The following WDR4 variants were observed in gnomAD, a reference collection of about 807,000 sequenced individuals.
WDR4 encodes tRNA (guanine-N(7)-)-methyltransferase non-catalytic subunit WDR4.
WDR4 carries 47 observed loss-of-function variants against 48.6 expected under a neutral mutation model. That is an observed-to-expected ratio of 0.97 (90% CI 0.77 to 1.23). The LOEUF is 1.23. WDR4 is among the 50% of genes most tolerant of loss of function. The pLI is 0.00. For synonymous variants in WDR4, 268 were observed against 230.0 expected (o/e 1.17, Z -1.49); for missense variants, 606 against 551.6 (o/e 1.10, Z -0.99).
rs1377205163 is a variant in WDR4 at position 42,858,134 on chromosome 21, C to T, written c.627+1528G>A. On this transcript the variant is annotated intron_variant, in intron 6 of 10. Transcript: ENST00000398208. ...GAGCATTAAAGTGGTTCAACTAACA[C>T]AAGCTTTAGAAAAAGTGAGCAAGAG... Among the ~76,000 whole-genome samples the T allele has an allele frequency of 3.3e-5, 5 of 152,146 alleles. 1 individual carries two copies. The highest frequency in any genetic ancestry group is 1.3e-4 in the Admixed American group (2 of 15,276).
At chr21:42,879,631 G>T, upstream of WDR4, 2 of 1,103,216 alleles carry the variant, frequency 1.8e-6, no homozygotes, top group Non-Finnish European at 2.5e-6. Flanking sequence ...GGACGAGCCT[G>T]CCTTGAGCAT....
Position 42,853,108 on chromosome 21 carries a change from C to T in WDR4, c.975+461G>A, listed in dbSNP as rs1042903608. On this transcript the variant is annotated intron_variant, in intron 9 of 10. Coordinates refer to ENST00000398208, the MANE Select transcript of WDR4 (RefSeq NM_018669.6). The stretch of plus-strand genomic sequence containing the variant: ...AGGAAGCAGCTCGGCCCGCCGCCCT[C>T]GCCCAGAGACCCCACTGTCTCCCCA... 5.9e-5 allele frequency among the ~76,000 whole-genome samples: 9 copies of T among 152,184 alleles called. No homozygotes were observed. The South Asian group carries it at 1.2e-3, about 21-fold the overall frequency.
intron 2 of WDR4, 97 bp downstream of exon 2, chr21:42,876,605 A>C (rs1016343920): frequency 8.4e-7 from 1 of 1,186,448 alleles, no homozygotes; most frequent in African/African-American, 1.5e-5. Context: ...ACAGAAGCTA[A>C]GAATTCAGCA....
chr21:42,845,799 G>C (rs1048860013), downstream of WDR4, among the ~76,000 whole-genome samples: 2 of 152,192 alleles, frequency 1.3e-5, no homozygotes, highest in Non-Finnish European at 2.9e-5. Context: ...AATTCCACGC[G>C]CAAGTACACA....
chr21:42,850,110 G>T lies in WDR4; in HGVS notation c.1178C>A (p.Pro393Gln), dbSNP rs765182735. Residue 393 changes from proline (P) to glutamine (Q), a missense_variant, in exon 11 of 11, where the codon CCG (proline) becomes CAG (glutamine). Pro to Gln is a moderately conservative substitution (Grantham distance 76). Transcript: ENST00000398208. ...CTTGGCATGCCCGTCGGGCCCAGGCGGGGGACTCCGGCGCCGCTGCTTCTT... is the reference window on the plus strand; with the variant it reads ...CTTGGCATGCCCGTCGGGCCCAGGCTGGGGACTCCGGCGCCGCTGCTTCTT... ...LEKKQRRRSP[P>Q]PGPDGHAKKM... 1.2e-6 allele frequency: 2 copies of T among 1,614,008 alleles called. No homozygotes were observed. Among genetic ancestry groups the T allele is most frequent in the African/African-American group, 1.3e-5 (1 of 75,064 alleles).
chr21:42,847,994 T>C (rs981069075), downstream of WDR4, among the ~76,000 whole-genome samples: 10 of 152,260 alleles, frequency 6.6e-5, no homozygotes, highest in African/African-American at 2.2e-4. Flanking sequence ...GCATGGCCCC[T>C]GCCTTCTGAA....
At chr21:42,876,254 C>T (rs1356063201) in intron 2 of WDR4, among the ~76,000 whole-genome samples, 6 of 129,670 alleles carry the variant, frequency 4.6e-5, no homozygotes, top group Non-Finnish European at 9.5e-5. Context: ...TGCTCTATTC[C>T]CCAGGCTGGA....
chr21:42,876,871 T>C (rs2058504810), intron 1 of WDR4, 104 bp from the exon 2 acceptor site: 3 of 1,050,088 alleles, frequency 2.9e-6, no homozygotes, highest in South Asian at 3.2e-5. Flanking sequence ...CAGGCTCCAG[T>C]ACAATGGCAC....
the WDR4 span, among the ~76,000 whole-genome samples, chr21:42,891,487 G>A: frequency 5.3e-5 from 8 of 152,070 alleles, no homozygotes; most frequent in Admixed American, 2.6e-4. Flanking sequence ...GCATGTGCCC[G>A]CTGGTGGTGG....
At chr21:42,885,440 A>G in the WDR4 span, among the ~76,000 whole-genome samples, 5 of 151,948 alleles carry the variant, frequency 3.3e-5, no homozygotes, top group Admixed American at 3.3e-4. Context: ...GTGAAACCCC[A>G]TCTCTACTAA....
chr21:42,847,111 C>T (rs1166684290), downstream of WDR4, among the ~76,000 whole-genome samples: 1 of 151,944 alleles, frequency 6.6e-6, no homozygotes, highest in Non-Finnish European at 1.5e-5. Context: ...CAAGGAATGT[C>T]CTAAAAGTAA....
At position 42,862,270 on chromosome 21, in the gene WDR4, A is replaced by T; in HGVS notation, c.566+12T>A. On this transcript the variant is annotated intron_variant, in intron 5 of 10. Coordinates refer to ENST00000398208, the MANE Select transcript of WDR4 (RefSeq NM_018669.6). This position sits in a 1 kb window ranked among gnomAD's most constrained non-coding sequence, Gnocchi z 4.3. ...CCTTCTTTCTGCTGGAGGGGCAGGA[A>T]GGGGCACTCACTCTGTGTGCCCCAA... The T allele has an allele frequency of 6.3e-7, 1 of 1,590,890 alleles. No homozygotes were observed. The highest frequency in any genetic ancestry group is 8.6e-7 in the Non-Finnish European group (1 of 1,166,824).
Position 42,849,894 on chromosome 21 carries a change from A to G in WDR4, c.*155T>C, listed in dbSNP as rs2062203782. 1.1e-6 allele frequency: 1 copy of G among 895,538 alleles called. No homozygotes were observed. The highest frequency in any genetic ancestry group is 1.7e-5 in the African/African-American group (1 of 58,444). The allele number at this position is 895,538 out of a possible 1,614,324, so 55.5% of individuals were successfully genotyped here. ...GCAAGAGCCTGTGCTGGTGACACAG[A>G]ATGTTCTTTCTAGAGCCCAGGGGAC... On this transcript the variant is annotated 3_prime_UTR_variant, in exon 11 of 11. Coordinates refer to ENST00000398208, the MANE Select transcript of WDR4 (RefSeq NM_018669.6).
chr21:42,872,173 G>T (rs145922122), intron 3 of WDR4, among the ~76,000 whole-genome samples: 15 of 152,126 alleles, frequency 9.9e-5, no homozygotes, highest in African/African-American at 3.6e-4. Flanking sequence ...TAGTAGAGAC[G>T]GGGTTTTGCC....
At chr21:42,847,048 AC>A (rs1476347762), downstream of WDR4, among the ~76,000 whole-genome samples, 2 of 147,032 alleles carry the variant, frequency 1.4e-5, no homozygotes, top group African/African-American at 2.5e-5. Context: ...AAAAAAAAAA[AC>A]CAGATACAAT....
Position 42,870,849 on chromosome 21 carries a change from G to A in WDR4, c.296+2702C>T, listed in dbSNP as rs1469803851. Among the ~76,000 whole-genome samples the A allele has an allele frequency of 2.6e-5, 4 of 152,044 alleles. No individual in the cohort carries two copies. In the East Asian group the frequency reaches 5.8e-4, roughly 22 times the overall value. On this transcript the variant is annotated intron_variant, in intron 3 of 10. Coordinates refer to ENST00000398208, the MANE Select transcript of WDR4 (RefSeq NM_018669.6). ...AGATCATTTCATTTTTAACTTTTGG[G>A]AGTCCAAGCCCCCTTTGAGAATCTC... is the stretch of plus-strand genomic sequence containing the variant.
chr21:42,869,010 G>A (rs185313839), intron 3 of WDR4, among the ~76,000 whole-genome samples: 5 of 151,500 alleles, frequency 3.3e-5, no homozygotes, highest in South Asian at 4.3e-4. Flanking sequence ...CTGCCCTGGC[G>A]GGGGGGAACA....
chr21:42,889,425 C>A, the WDR4 span, among the ~76,000 whole-genome samples: 1 of 152,184 alleles, frequency 6.6e-6, no homozygotes, highest in South Asian at 2.1e-4. Context: ...TCCTTGCTAG[C>A]AGATTGCTTT....
At chr21:42,882,582 C>T (rs1213343382), upstream of WDR4, among the ~76,000 whole-genome samples, 1 of 151,362 alleles carries the variant, frequency 6.6e-6, no homozygotes, top group African/African-American at 2.4e-5. Context: ...AAAAAAAAAA[C>T]TTATGGATTG....
Sources: gnomAD v4.1 joint callset for allele counts (sites outside exome capture counted in the v4.1 genomes callset) on GRCh38, gnomAD v4.1.1 for gene constraint, Gnocchi (gnomAD v3.1) non-coding constraint, MANE v1.5 for transcripts, NCBI Gene and HGNC (gene_info 2026-07-23, HGNC 2026-07-21) for gene names.